The following CMIP variants were observed in gnomAD, a reference collection of about 807,000 sequenced individuals.
CMIP encodes C-Maf-inducing protein.
In CMIP, 13 loss-of-function variants were observed where a neutral mutation model predicts 97.3. The ratio of observed to expected loss-of-function variants is 0.13; its 90% confidence interval spans 0.09 to 0.21. CMIP has a LOEUF of 0.21. Among genes scored for constraint, CMIP ranks in the 10% least tolerant of loss-of-function variants. CMIP has a pLI of 1.00. For missense variants in CMIP, 847 were observed against 1,024.9 expected, an observed-to-expected ratio of 0.83 and a Z score of 2.37; for synonymous variants, 538 against 436.3, an observed-to-expected ratio of 1.23 and a Z score of -2.91.
chr16:81,624,157 A>C (rs1420417430), intron 3 of CMIP, among the ~76,000 whole-genome samples: 1 of 151,562 alleles, frequency 6.6e-6, no homozygotes, highest in Admixed American at 6.6e-5. Context: ...GTGGAACATC[A>C]AAATTGAGGA....
At chr16:81,698,376 C>G (rs1275274908) in intron 14 of CMIP, among the ~76,000 whole-genome samples, 1 of 152,226 alleles carries the variant, frequency 6.6e-6, no homozygotes, top group East Asian at 1.9e-4. Flanking sequence ...CAAGAGGAAG[C>G]AGGATTTGCC....
intron 19 of CMIP, 110 bp downstream of exon 19, chr16:81,705,714 T>C: frequency 1.5e-6 from 1 of 670,356 alleles, no homozygotes; most frequent in Admixed American, 2.6e-5. Flanking sequence ...GATAGAGAAA[T>C]TCGTTCATTC....
At chr16:81,703,648 G>A (rs968051760) in intron 17 of CMIP, among the ~76,000 whole-genome samples, 1 of 151,960 alleles carries the variant, frequency 6.6e-6, no homozygotes, top group Non-Finnish European at 1.5e-5. Flanking sequence ...TGGGAGGATC[G>A]TGGCCTTGGA....
intron 10 of CMIP, among the ~76,000 whole-genome samples, chr16:81,691,125 CT>C (rs1280965491): frequency 1.3e-5 from 2 of 152,152 alleles, no homozygotes; most frequent in Non-Finnish European, 2.9e-5. Flanking sequence ...TTTGCTAGGA[CT>C]GCTATAAAGT....
intron 1 of CMIP, among the ~76,000 whole-genome samples, chr16:81,597,447 G>T (rs112306879): frequency 1.3e-5 from 2 of 152,160 alleles, no homozygotes; most frequent in Non-Finnish European, 2.9e-5. Flanking sequence ...AGCTGTGTGC[G>T]GTTGGTCAAG....
At chr16:81,604,265 G>A (rs1051490931) in intron 1 of CMIP, among the ~76,000 whole-genome samples, 22 of 150,958 alleles carry the variant, frequency 1.5e-4, no homozygotes, top group East Asian at 3.9e-4. Flanking sequence ...GCGTGGTGGC[G>A]CACGCCTGTA....
intron 11 of CMIP, 72 bp downstream of exon 11, chr16:81,691,912 TG>T: frequency 1.5e-6 from 2 of 1,315,692 alleles, no homozygotes; most frequent in Non-Finnish European, 2.2e-6. Context: ...AAGGCCTTAG[TG>T]GGGGGCCAGT....
intron 2 of CMIP, among the ~76,000 whole-genome samples, chr16:81,615,578 G>A (rs577818335): frequency 7.5e-5 from 11 of 147,138 alleles, no homozygotes; most frequent in Admixed American, 1.4e-4. Flanking sequence ...TGTGTGTATA[G>A]TGTGTGTGTC....
At chr16:81,494,384 C>T (rs894474431) in intron 1 of CMIP, among the ~76,000 whole-genome samples, 1 of 152,174 alleles carries the variant, frequency 6.6e-6, no homozygotes, top group African/African-American at 2.4e-5. Flanking sequence ...CCTTTATTGA[C>T]GCAGAGGGTG....
chr16:81,523,060 G>T (rs777593962), intron 1 of CMIP, among the ~76,000 whole-genome samples: 12 of 152,102 alleles, frequency 7.9e-5, no homozygotes, highest in South Asian at 2.1e-4. Context: ...CCAAGTAGCT[G>T]GGACTACAGG....
Position 81,678,520 on chromosome 16 carries a change from A to G in CMIP, c.1280A>G (p.Asn427Ser), listed in dbSNP as rs755602119. The stretch of plus-strand genomic sequence containing the variant: ...AGCGCAGGCAACGACAGCGAGCCCA[A>G]CCTCATCGACTGCCTCATGGTCAGC... ...TASAGNDSEP[N>S]LIDCLMVSPA... is the part of the protein sequence containing the mutation. Residue 427 changes from asparagine to serine, a missense_variant, in exon 10 of 21, where the codon AAC (asparagine) becomes AGC (serine). This residue lies in a region of CMIP where 202 missense variants were observed against 168.7 expected (regional missense o/e 1.20). Transcript: ENST00000537098. The G allele has an allele frequency of 8.7e-6, 14 of 1,604,364 alleles. No individual in the cohort carries two copies. Among genetic ancestry groups the G allele is most frequent in the Non-Finnish European group, 1.2e-5 (14 of 1,176,522 alleles).
intron 15 of CMIP, among the ~76,000 whole-genome samples, chr16:81,700,034 G>T (rs762592362): frequency 6.6e-6 from 1 of 152,172 alleles, no homozygotes; most frequent in Non-Finnish European, 1.5e-5. Context: ...GGACGCTTCT[G>T]TTCTGCTCAT....
chr16:81,647,918 C>T (rs1450716504), intron 3 of CMIP, among the ~76,000 whole-genome samples: 58 of 121,992 alleles, frequency 4.8e-4, no homozygotes, highest in African/African-American at 1.8e-3. Flanking sequence ...ACCCTCCCCC[C>T]GCACCCGCAG....
chr16:81,622,409 C>T lies in CMIP; in HGVS notation c.477+1483C>T, dbSNP rs546236285. Among the ~76,000 whole-genome samples the T allele has an allele frequency of 1.2e-4, 18 of 152,216 alleles. No homozygotes were observed. In the South Asian group the frequency reaches 3.5e-3, roughly 30 times the overall value. Reference sequence around the variant, plus strand: ...CTGGGTCTCTCTTTGTGCCCGGGTACGAGTGTGTCTGAAGACAGGCGGGAC... The same window carrying T: ...CTGGGTCTCTCTTTGTGCCCGGGTATGAGTGTGTCTGAAGACAGGCGGGAC... On this transcript the variant is annotated intron_variant, in intron 3 of 20. Transcript: ENST00000537098.
At chr16:81,687,185 T>A (rs959134478) in intron 10 of CMIP, among the ~76,000 whole-genome samples, 5 of 151,936 alleles carry the variant, frequency 3.3e-5, no homozygotes, top group Non-Finnish European at 5.9e-5. Context: ...GCACTGGGCC[T>A]TGTGTTCAGC....
chr16:81,507,947 C>G (rs776204393), intron 1 of CMIP, among the ~76,000 whole-genome samples: 2 of 152,142 alleles, frequency 1.3e-5, no homozygotes, highest in Non-Finnish European at 2.9e-5. Context: ...TGATTTTTGC[C>G]TTTCTTGGTT....
chr16:81,629,134 T>TAA lies in CMIP; in HGVS notation c.477+8239_477+8240dup, dbSNP rs10533097. Among the ~76,000 whole-genome samples, 395 of 45,680 alleles carry TAA rather than the reference T, an allele frequency of 8.6e-3. 10 individuals are homozygous for TAA. The highest frequency in any genetic ancestry group is 9.9e-3 in the Admixed American group (26 of 2,622). The allele number at this position is 45,680 out of a possible 152,430, so 30.0% of individuals were successfully genotyped here. A position where few individuals can be genotyped will look rare whatever the true frequency, so the allele number is the denominator to read the frequency against. On this transcript the variant is annotated intron_variant, in intron 3 of 20. Transcript: ENST00000537098. ...CTGGGTGACAGAGTGAAACTGTGCT[T>TAA]AAAAAAAAAAAAAAAAAAAAAAAAA...
At chr16:81,636,151 G>C (rs935117986) in intron 3 of CMIP, among the ~76,000 whole-genome samples, 2 of 150,994 alleles carry the variant, frequency 1.3e-5, no homozygotes, top group African/African-American at 2.4e-5. Flanking sequence ...CGGGCCATGA[G>C]CCTTCCATGC....
intron 1 of CMIP, among the ~76,000 whole-genome samples, chr16:81,478,522 G>A (rs1908067853): frequency 6.6e-6 from 1 of 152,172 alleles, no homozygotes; most frequent in African/African-American, 2.4e-5. Flanking sequence ...GATCCAGAAA[G>A]CACATTCATG....
Sources: allele counts gnomAD v4.1 joint callset (sites outside exome capture counted in the v4.1 genomes callset), GRCh38; gene constraint gnomAD v4.1.1; regional missense constraint gnomAD v4.1.1; transcripts MANE v1.5; gene names NCBI Gene and HGNC (gene_info 2026-07-23, HGNC 2026-07-21).